The following FAAH2 variants were observed in gnomAD, a reference collection of about 807,000 sequenced individuals.
FAAH2 encodes the protein fatty-acid amide hydrolase 2.
FAAH2 carries 60 observed loss-of-function variants against 36.9 expected under a neutral mutation model. The observed-to-expected ratio is 1.63, with a 90% CI of 1.32 to 2.02. The LOEUF (loss-of-function observed/expected upper bound fraction) is 2.02. FAAH2 is among the 30% of genes most tolerant of loss of function. FAAH2 has a pLI of 0.00. For missense variants in FAAH2, 689 were observed against 397.5 expected, an observed-to-expected ratio of 1.73 and a Z score of -6.23; for synonymous variants, 214 against 143.8, an observed-to-expected ratio of 1.49 and a Z score of -3.49.
chrX:57,324,142 T>G (rs1388632457), intron 3 of FAAH2, among the ~76,000 whole-genome samples: 2 of 111,532 alleles, frequency 1.8e-5, no homozygotes, highest in Admixed American at 9.5e-5. Context: ...TCAAAGATCA[T>G]ATGTTTGTAG....
the FAAH2 span, among the ~76,000 whole-genome samples, chrX:57,227,369 C>T: frequency 1.9e-3 from 214 of 111,409 alleles, 1 homozygote; most frequent in Admixed American, 0.019. Context: ...TCCCCCTTTT[C>T]GTGTGGATGT....
intron 2 of FAAH2, among the ~76,000 whole-genome samples, chrX:57,294,430 C>T (rs768553579): frequency 8.9e-6 from 1 of 111,913 alleles, no homozygotes; most frequent in African/African-American, 3.2e-5. Context: ...TTACCTCCTT[C>T]CCAAACCTGT....
At chrX:57,312,955 A>G (rs1037597769) in intron 3 of FAAH2, among the ~76,000 whole-genome samples, 2 of 111,772 alleles carry the variant, frequency 1.8e-5, no homozygotes, top group African/African-American at 3.3e-5. Context: ...GATTCAGGAG[A>G]AAGTTGAAAT....
At chrX:57,379,470 C>A (rs979923646) in intron 6 of FAAH2, among the ~76,000 whole-genome samples, 1 of 109,367 alleles carries the variant, frequency 9.1e-6, no homozygotes, top group Non-Finnish European at 1.9e-5. Flanking sequence ...TCTCTCAGAT[C>A]TTTGTTCCAT....
chrX:57,461,036 T>C (rs1169004872), intron 10 of FAAH2, among the ~76,000 whole-genome samples: 2 of 109,244 alleles, frequency 1.8e-5, no homozygotes, highest in Non-Finnish European at 3.8e-5. Flanking sequence ...AAACCAACAA[T>C]GACCAAAAAA....
At chrX:57,194,299 A>G in the FAAH2 span, among the ~76,000 whole-genome samples, 3 of 110,914 alleles carry the variant, frequency 2.7e-5, no homozygotes, top group African/African-American at 9.8e-5. Flanking sequence ...ACATTTTTCA[A>G]TTTATGGCAT....
At chrX:57,246,642 G>A in the FAAH2 span, among the ~76,000 whole-genome samples, 3 of 111,631 alleles carry the variant, frequency 2.7e-5, no homozygotes, top group African/African-American at 6.5e-5. Context: ...CAATAATACT[G>A]GGTATATATA....
chrX:57,253,001 G>A, the FAAH2 span, among the ~76,000 whole-genome samples: 32 of 111,385 alleles, frequency 2.9e-4, no homozygotes, highest in Non-Finnish European at 2.6e-4. Flanking sequence ...CCATTGCAAG[G>A]AAGCTAAAAA....
At chrX:57,221,442 G>A in the FAAH2 span, among the ~76,000 whole-genome samples, 1 of 110,969 alleles carries the variant, frequency 9.0e-6, no homozygotes, top group Non-Finnish European at 1.9e-5. Context: ...AGCCCACCCA[G>A]TTCCTATCAC....
chrX:57,253,744 G>T, the FAAH2 span, among the ~76,000 whole-genome samples: 4 of 111,407 alleles, frequency 3.6e-5, no homozygotes, highest in African/African-American at 1.3e-4. Flanking sequence ...CACAAGGCCT[G>T]CCTCACAGGA....
At chrX:57,311,043 G>A (rs1456220084) in intron 3 of FAAH2, among the ~76,000 whole-genome samples, 1 of 111,903 alleles carries the variant, frequency 8.9e-6, no homozygotes, top group African/African-American at 3.2e-5. Context: ...AAAGTAGTTA[G>A]GCTAAAGCCA....
chrX:57,413,598 C>CTGTT (rs895547135), intron 7 of FAAH2, among the ~76,000 whole-genome samples: 2 of 111,354 alleles, frequency 1.8e-5, no homozygotes, highest in African/African-American at 6.5e-5. Flanking sequence ...TGGTACCATG[C>CTGTT]TGTTTTGGTT....
At chrX:57,362,501 C>T (rs764400611) in intron 5 of FAAH2, among the ~76,000 whole-genome samples, 52 of 111,466 alleles carry the variant, frequency 4.7e-4, no homozygotes, top group African/African-American at 1.7e-3. Context: ...GGATATTAGG[C>T]CTTTGTCAGA....
chrX:57,124,322 G>A, the FAAH2 span, among the ~76,000 whole-genome samples: 1 of 111,262 alleles, frequency 9.0e-6, no homozygotes, highest in Non-Finnish European at 1.9e-5. Context: ...GTAGATGTGT[G>A]GTGTTATTTC....
chrX:57,206,910 T>G, the FAAH2 span, among the ~76,000 whole-genome samples: 1 of 111,877 alleles, frequency 8.9e-6, no homozygotes, highest in Non-Finnish European at 1.9e-5. Context: ...GTGTCCTTTT[T>G]CTAATTGTTC....
chrX:57,297,177 G>GA (rs1441022188), intron 2 of FAAH2, among the ~76,000 whole-genome samples: 1 of 104,864 alleles, frequency 9.5e-6, no homozygotes, highest in Non-Finnish European at 2.0e-5. Context: ...TGAAATGAAG[G>GA]AAAAAATGTT....
chrX:57,319,907 A>G (rs1272998767), intron 3 of FAAH2, among the ~76,000 whole-genome samples: 1 of 112,089 alleles, frequency 8.9e-6, no homozygotes, highest in African/African-American at 3.2e-5. Context: ...CCTGGCAAAA[A>G]CAAGCAATGG....
intron 8 of FAAH2, among the ~76,000 whole-genome samples, chrX:57,434,059 A>G (rs1158945049): frequency 1.8e-5 from 2 of 110,779 alleles, no homozygotes; most frequent in Admixed American, 9.7e-5. Context: ...TTGACTTTAA[A>G]AAAGGCTTAA....
At chrX:57,223,904 C>T in the FAAH2 span, among the ~76,000 whole-genome samples, 2 of 111,608 alleles carry the variant, frequency 1.8e-5, no homozygotes, top group Admixed American at 9.5e-5. Flanking sequence ...TCCACACACC[C>T]TATAGGCCTC....
Sources: gnomAD v4.1 joint callset for allele counts (sites outside exome capture counted in the v4.1 genomes callset) on GRCh38, gnomAD v4.1.1 for gene constraint, MANE v1.5 for transcripts, NCBI Gene and HGNC (gene_info 2026-07-23, HGNC 2026-07-21) for gene names.